RANBP2: variants seen among roughly 807,000 people sequenced by gnomAD.
The protein encoded by RANBP2 is RAN binding protein 2, also known as E3 SUMO-protein ligase RanBP2.
A neutral mutation model predicts 303.6 loss-of-function variants in RANBP2; 57 were observed. The observed-to-expected ratio is 0.19, with a 90% CI of 0.15 to 0.23. The LOEUF is 0.23. Among genes scored for constraint, RANBP2 ranks in the 10% least tolerant of loss-of-function variants. The pLI, the probability that RANBP2 is intolerant of heterozygous loss-of-function variation, is 1.00. For missense variants in RANBP2, 3,138 were observed against 3,780.8 expected, an observed-to-expected ratio of 0.83 and a Z score of 4.46; for synonymous variants, 1,167 against 1,301.5, an observed-to-expected ratio of 0.90 and a Z score of 2.23.
chr2:108,895,302 T>G, the RANBP2 span: 1 of 152,718 alleles, frequency 6.5e-6, no homozygotes, highest in South Asian at 2.1e-4. Context: ...CAACTTGTAA[T>G]TTTTACAACC....
chr2:109,482,240 G>T, the RANBP2 span, among the ~76,000 whole-genome samples: 2 of 152,160 alleles, frequency 1.3e-5, no homozygotes, highest in Non-Finnish European at 2.9e-5. Flanking sequence ...TTAGGACAGT[G>T]CCCGGCTCAT....
chr2:108,875,319 TA>T, the RANBP2 span, among the ~76,000 whole-genome samples: 1,350 of 118,444 alleles, frequency 0.011, 29 homozygotes, highest in East Asian at 0.017. Flanking sequence ...TAAAGTATAA[TA>T]AAAAAAAAAA....
chr2:108,915,650 A>C, the RANBP2 span, among the ~76,000 whole-genome samples: 1 of 152,200 alleles, frequency 6.6e-6, no homozygotes, highest in Non-Finnish European at 1.5e-5. Context: ...CTATAATCCC[A>C]GCACTTTGGG....
At chr2:109,100,612 G>A in the RANBP2 span, among the ~76,000 whole-genome samples, 1 of 152,170 alleles carries the variant, frequency 6.6e-6, no homozygotes, top group Non-Finnish European at 1.5e-5. Flanking sequence ...GACCCGCCTG[G>A]AGAGAAAGTC....
chr2:109,404,152 C>T, the RANBP2 span, among the ~76,000 whole-genome samples: 1 of 152,060 alleles, frequency 6.6e-6, no homozygotes, highest in South Asian at 2.1e-4. Context: ...GCCGAGACCA[C>T]TGCAGGATGG....
the RANBP2 span, among the ~76,000 whole-genome samples, chr2:109,629,807 T>G: frequency 6.6e-6 from 1 of 151,840 alleles, no homozygotes; most frequent in African/African-American, 2.4e-5. Context: ...CAAGACTCCG[T>G]TTCAAAAAAA....
the RANBP2 span, among the ~76,000 whole-genome samples, chr2:109,318,533 G>C: frequency 6.6e-6 from 1 of 152,224 alleles, no homozygotes; most frequent in African/African-American, 2.4e-5. Flanking sequence ...AACGCTGTGA[G>C]AGAACTGTGG....
the RANBP2 span, among the ~76,000 whole-genome samples, chr2:109,201,882 C>T: frequency 3.9e-5 from 6 of 152,334 alleles, no homozygotes; most frequent in South Asian, 1.2e-3. Context: ...TGCTAAGCCT[C>T]CTACCAATGA....
At chr2:108,932,355 C>T in the RANBP2 span, among the ~76,000 whole-genome samples, 1 of 151,500 alleles carries the variant, frequency 6.6e-6, no homozygotes, top group African/African-American at 2.4e-5. Flanking sequence ...GGTGAAACCT[C>T]GTCTCTACTA....
At chr2:108,726,362 G>A (rs889644679) in intron 1 of RANBP2, among the ~76,000 whole-genome samples, 1 of 151,706 alleles carries the variant, frequency 6.6e-6, no homozygotes, top group Non-Finnish European at 1.5e-5. Flanking sequence ...AAGAGCAAGA[G>A]TAGCGATGCT....
the RANBP2 span, among the ~76,000 whole-genome samples, chr2:108,932,040 C>T: frequency 2.0e-5 from 3 of 152,146 alleles, no homozygotes; most frequent in Non-Finnish European, 4.4e-5. Context: ...AGAATTCTCT[C>T]GTCCTTAGCA....
the RANBP2 span, among the ~76,000 whole-genome samples, chr2:109,239,760 G>T: frequency 1.3e-5 from 2 of 152,200 alleles, no homozygotes; most frequent in Non-Finnish European, 2.9e-5. Flanking sequence ...AGGAGCTGGC[G>T]GCACTGCTGT....
At chr2:108,975,832 A>G in the RANBP2 span, among the ~76,000 whole-genome samples, 1 of 152,156 alleles carries the variant, frequency 6.6e-6, no homozygotes, top group Non-Finnish European at 1.5e-5. Flanking sequence ...TCGAGAAGTC[A>G]AGGCCACCCC....
the RANBP2 span, among the ~76,000 whole-genome samples, chr2:108,994,847 T>TTG: frequency 5.1e-5 from 7 of 137,650 alleles, no homozygotes; most frequent in East Asian, 1.5e-3. Context: ...TTTTTTTTTT[T>TTG]GAGACAGAGT....
chr2:109,089,898 C>T, the RANBP2 span, among the ~76,000 whole-genome samples: 7 of 152,282 alleles, frequency 4.6e-5, no homozygotes, highest in Non-Finnish European at 8.8e-5. Context: ...AGGGCATCAT[C>T]GCATGGCAGG....
chr2:109,419,517 G>T, the RANBP2 span: 7 of 1,573,346 alleles, frequency 4.4e-6, no homozygotes, highest in East Asian at 2.3e-5. Context: ...CCTCACTCCT[G>T]TCCCCTCTTG....
At chr2:109,279,974 C>T in the RANBP2 span, among the ~76,000 whole-genome samples, 530 of 152,164 alleles carry the variant, frequency 3.5e-3, 1 homozygote, top group African/African-American at 0.012. Flanking sequence ...AAAACACACC[C>T]CCTGGGCCAC....
the RANBP2 span, among the ~76,000 whole-genome samples, chr2:109,599,458 CAAAAAAA>C: frequency 4.1e-4 from 26 of 63,316 alleles, no homozygotes; most frequent in Admixed American, 4.4e-3. Context: ...ACTCAGTCTC[CAAAAAAA>C]AAAAAAAAAA....
the RANBP2 span, among the ~76,000 whole-genome samples, chr2:109,330,095 T>C: frequency 1.3e-5 from 2 of 152,256 alleles, no homozygotes; most frequent in South Asian, 4.2e-4. Context: ...TGTAATGAAA[T>C]ATATGTAGCA....
Sources: allele counts gnomAD v4.1 joint callset (sites outside exome capture counted in the v4.1 genomes callset), GRCh38; gene constraint gnomAD v4.1.1; transcripts MANE v1.5; gene names NCBI Gene and HGNC (gene_info 2026-07-23, HGNC 2026-07-21).